ASCC3: variants seen among roughly 807,000 people sequenced by gnomAD.
ASCC3 encodes the protein ASC-1 complex subunit P200.
Under a neutral mutation model 256.3 loss-of-function variants are expected in ASCC3, and 158 were observed. That is an observed-to-expected ratio of 0.62 (90% CI 0.54 to 0.70). The LOEUF is 0.70. Among genes scored for constraint, ASCC3 ranks in the 30% least tolerant of loss-of-function variants. The pLI, the probability that ASCC3 is intolerant of heterozygous loss-of-function variation, is 0.00. For synonymous variants in ASCC3, 948 were observed against 883.4 expected, an observed-to-expected ratio of 1.07 and a Z score of -1.30; for missense variants, 2,259 against 2,626.0, an observed-to-expected ratio of 0.86 and a Z score of 3.05.
chr6:100,801,177 T>A lies in ASCC3; in HGVS notation c.923-673A>T, dbSNP rs74517081. 2.5e-3 allele frequency among the ~76,000 whole-genome samples: 388 copies of A among 152,168 alleles called. 3 individuals carry two copies. The highest frequency in any genetic ancestry group is 0.023 in the East Asian group (120 of 5,168). ...GGTCAACTCAATATTGAGAAAAAAA[T>A]GTTCTTCCAACAGGATTACCTTCTG... On this transcript the variant is annotated intron_variant, in intron 5 of 41. Coordinates refer to ENST00000369162, the MANE Select transcript of ASCC3 (RefSeq NM_006828.4).
intron 8 of ASCC3, among the ~76,000 whole-genome samples, chr6:100,769,130 T>C (rs1352259264): frequency 1.3e-5 from 2 of 152,032 alleles, no homozygotes; most frequent in African/African-American, 2.4e-5. Flanking sequence ...AAAAAGAAGA[T>C]ACCACATGAT....
At chr6:100,622,216 C>T (rs1343151798) in intron 30 of ASCC3, among the ~76,000 whole-genome samples, 3 of 152,100 alleles carry the variant, frequency 2.0e-5, no homozygotes, top group Non-Finnish European at 4.4e-5. Flanking sequence ...CTTTGTGACC[C>T]TAACCCAAAT....
intron 3 of ASCC3, among the ~76,000 whole-genome samples, chr6:100,849,024 T>C (rs771499583): frequency 1.3e-5 from 2 of 152,096 alleles, no homozygotes; most frequent in Non-Finnish European, 2.9e-5. Flanking sequence ...AAGGATTGCT[T>C]GAGCCTGGAA....
intron 4 of ASCC3, among the ~76,000 whole-genome samples, chr6:100,815,317 T>A (rs952989170): frequency 1.3e-5 from 2 of 152,052 alleles, no homozygotes; most frequent in African/African-American, 4.8e-5. Flanking sequence ...GAAGAATCAA[T>A]ATCGTTAAAA....
At chr6:100,644,571 T>C (rs1775288549) in intron 22 of ASCC3, among the ~76,000 whole-genome samples, 1 of 152,192 alleles carries the variant, frequency 6.6e-6, no homozygotes, top group Admixed American at 6.5e-5. Context: ...TGTATTTTGC[T>C]TTATCCATTT....
intron 1 of ASCC3, among the ~76,000 whole-genome samples, chr6:100,872,206 G>A (rs116929105): frequency 6.6e-6 from 1 of 152,222 alleles, no homozygotes; most frequent in East Asian, 1.9e-4. Context: ...AATTAATGGG[G>A]TACTTGGGAC....
intron 4 of ASCC3, among the ~76,000 whole-genome samples, chr6:100,811,371 T>C (rs945663627): frequency 1.1e-4 from 16 of 152,166 alleles, no homozygotes; most frequent in Admixed American, 7.2e-4. Context: ...ACCAATTCTG[T>C]TAATAATACA....
At chr6:100,723,067 T>C (rs1779421894) in intron 11 of ASCC3, among the ~76,000 whole-genome samples, 1 of 151,800 alleles carries the variant, frequency 6.6e-6, no homozygotes, top group Admixed American at 6.6e-5. Context: ...TTTTGCTAGA[T>C]GCTTTCAAAT....
At chr6:100,692,779 A>G (rs1777899451) in intron 13 of ASCC3, among the ~76,000 whole-genome samples, 1 of 152,078 alleles carries the variant, frequency 6.6e-6, no homozygotes, top group African/African-American at 2.4e-5. Context: ...CACTTTGGGC[A>G]TAGTATTAGG....
intron 14 of ASCC3, 24 bp downstream of exon 14, chr6:100,679,594 G>A: frequency 6.2e-7 from 1 of 1,612,944 alleles, no homozygotes; most frequent in Non-Finnish European, 8.5e-7. Flanking sequence ...ACATGCTTTA[G>A]TTCTTGTCCT....
chr6:100,821,795 G>A (rs997392496), intron 4 of ASCC3, among the ~76,000 whole-genome samples: 4 of 151,868 alleles, frequency 2.6e-5, no homozygotes, highest in African/African-American at 9.7e-5. Context: ...CTGTACCCCA[G>A]CCTGGATGAC....
chr6:100,554,461 C>T (rs1362744253), intron 36 of ASCC3, among the ~76,000 whole-genome samples: 1 of 152,144 alleles, frequency 6.6e-6, no homozygotes, highest in African/African-American at 2.4e-5. Context: ...TAAGAGGGCA[C>T]TTGTACAGTG....
At chr6:100,568,104 A>T (rs1325886149) in intron 36 of ASCC3, among the ~76,000 whole-genome samples, 5 of 151,910 alleles carry the variant, frequency 3.3e-5, no homozygotes, top group African/African-American at 1.2e-4. Context: ...GTCTTGGCTC[A>T]CATCTGTAAA....
chr6:100,549,271 T>C (rs1769173832), intron 36 of ASCC3, among the ~76,000 whole-genome samples: 1 of 152,012 alleles, frequency 6.6e-6, no homozygotes, highest in Non-Finnish European at 1.5e-5. Flanking sequence ...ACATTCTGTT[T>C]AACTGAATTG....
intron 3 of ASCC3, among the ~76,000 whole-genome samples, chr6:100,863,204 G>C (rs924352287): frequency 6.6e-6 from 1 of 152,168 alleles, no homozygotes; most frequent in African/African-American, 2.4e-5. Flanking sequence ...AAACACAGGG[G>C]TTTTACCAGT....
intron 25 of ASCC3, among the ~76,000 whole-genome samples, chr6:100,631,574 A>T (rs1023041556): frequency 6.6e-6 from 1 of 151,862 alleles, no homozygotes; most frequent in Admixed American, 6.6e-5. Flanking sequence ...ACTATAAGAG[A>T]AAATTAGGGT....
intron 36 of ASCC3, among the ~76,000 whole-genome samples, chr6:100,552,533 C>A (rs1769350491): frequency 6.6e-6 from 1 of 151,970 alleles, no homozygotes; most frequent in African/African-American, 2.4e-5. Context: ...TCCTCTTGAA[C>A]TGCAGATTTG....
At chr6:100,796,310 G>A (rs566485045) in intron 8 of ASCC3, among the ~76,000 whole-genome samples, 1 of 152,244 alleles carries the variant, frequency 6.6e-6, no homozygotes, top group South Asian at 2.1e-4. Flanking sequence ...TAAGCATGCA[G>A]TTGCAATATG....
chr6:100,843,208 GGAT>G (rs1220080410), intron 4 of ASCC3, among the ~76,000 whole-genome samples: 2 of 152,068 alleles, frequency 1.3e-5, no homozygotes, highest in Non-Finnish European at 2.9e-5. Flanking sequence ...AATTTTCAAA[GGAT>G]GATAGAATCA....
Sources: gnomAD v4.1 joint callset for allele counts (sites outside exome capture counted in the v4.1 genomes callset) on GRCh38, gnomAD v4.1.1 for gene constraint, MANE v1.5 for transcripts, NCBI Gene and HGNC (gene_info 2026-07-23, HGNC 2026-07-21) for gene names.